The following MYL4 variants were observed in gnomAD, a reference collection of about 807,000 sequenced individuals.
MYL4 encodes atrial myosin light chain 1.
A neutral mutation model predicts 21.6 loss-of-function variants in MYL4; 16 were observed. That is an observed-to-expected ratio of 0.74 (90% CI 0.50 to 1.12). The LOEUF (loss-of-function observed/expected upper bound fraction) is 1.12. Among genes scored for constraint, MYL4 ranks in the 50% most tolerant of loss-of-function variants. MYL4 has a pLI of 0.00. For synonymous variants in MYL4, 82 were observed against 95.7 expected, an observed-to-expected ratio of 0.86 and a Z score of 0.83; for missense variants, 249 against 252.9, an observed-to-expected ratio of 0.98 and a Z score of 0.11.
chr17:47,208,266 C>CA (rs1043392485), upstream of MYL4, among the ~76,000 whole-genome samples: 2 of 151,894 alleles, frequency 1.3e-5, no homozygotes, highest in Non-Finnish European at 2.9e-5. Flanking sequence ...AAACAAAAAA[C>CA]AAAAAAACTC....
At chr17:47,190,923 G>A in the MYL4 span, among the ~76,000 whole-genome samples, 1 of 152,232 alleles carries the variant, frequency 6.6e-6, no homozygotes, top group Non-Finnish European at 1.5e-5. Context: ...GGCTTGGCTA[G>A]GGCTGAAAGA....
chr17:47,199,119 T>C (rs2064700109), upstream of MYL4, among the ~76,000 whole-genome samples: 1 of 151,384 alleles, frequency 6.6e-6, no homozygotes, highest in South Asian at 2.1e-4. Flanking sequence ...CGGGCGCCTG[T>C]AGTCCCAGCT....
intron 2 of MYL4, among the ~76,000 whole-genome samples, chr17:47,218,903 A>G (rs1247177093): frequency 1.3e-5 from 2 of 152,194 alleles, no homozygotes; most frequent in African/African-American, 2.4e-5. Context: ...TGCTGCCTTC[A>G]AGGAGTCCAG....
intron 1 of MYL4, 70 bp downstream of exon 1, chr17:47,209,627 C>T (rs750484256): frequency 1.6e-5 from 26 of 1,611,074 alleles, no homozygotes; most frequent in African/African-American, 2.7e-5. Flanking sequence ...TGGAGCTTAG[C>T]GATCTACTTT....
At chr17:47,201,786 T>G (rs903631483) in intron 1 of MYL4, among the ~76,000 whole-genome samples, 14 of 152,302 alleles carry the variant, frequency 9.2e-5, no homozygotes, top group African/African-American at 3.4e-4. Flanking sequence ...TTTATCTCAT[T>G]GACCCAGCCA....
chr17:47,221,580 C>T (rs1598660516), intron 3 of MYL4, 102 bp from the exon 4 acceptor site: 2 of 1,369,040 alleles, frequency 1.5e-6, no homozygotes, highest in East Asian at 4.6e-5. Flanking sequence ...CAGCCCAAGC[C>T]CTGGGTGCTG....
At chr17:47,217,101 A>G (rs2064820697) in intron 2 of MYL4, among the ~76,000 whole-genome samples, 1 of 152,226 alleles carries the variant, frequency 6.6e-6, no homozygotes, top group African/African-American at 2.4e-5. Flanking sequence ...CAACTAACAA[A>G]TATGTATTTA....
intron 3 of MYL4, among the ~76,000 whole-genome samples, chr17:47,221,332 C>T (rs1038405000): frequency 2.0e-5 from 3 of 152,274 alleles, no homozygotes; most frequent in African/African-American, 7.2e-5. Context: ...GCCCGGGCCG[C>T]GTGGCACTTC....
intron 3 of MYL4, among the ~76,000 whole-genome samples, chr17:47,221,000 G>C (rs1340745769): frequency 6.6e-6 from 1 of 152,182 alleles, no homozygotes; most frequent in Admixed American, 6.5e-5. Flanking sequence ...GAAAGGACCA[G>C]AGGGCTAGGG....
At chr17:47,225,670 C>A (rs1430359238), downstream of MYL4, among the ~76,000 whole-genome samples, 1 of 152,096 alleles carries the variant, frequency 6.6e-6, no homozygotes, top group African/African-American at 2.4e-5. Context: ...TTCAACACAC[C>A]ATTTTCAACC....
upstream of MYL4, among the ~76,000 whole-genome samples, chr17:47,206,399 C>A (rs192670244): frequency 6.6e-6 from 1 of 152,116 alleles, no homozygotes; most frequent in African/African-American, 2.4e-5. Flanking sequence ...GAGGATCATA[C>A]GTCTTTGTAG....
In MYL4 at chr17:47,219,962, C is replaced by T. The variant is rs1464152368; in HGVS notation, c.222C>T (p.Thr74=). 6.2e-7 allele frequency: 1 copy of T among 1,614,200 alleles called. No homozygotes were observed. Among genetic ancestry groups the T allele is most frequent in the Admixed American group, 1.7e-5 (1 of 60,032 alleles). ...CCCCGACTGGAGAGATGAAGATCAC[C>T]TACGGCCAGTGCGGGGATGTACTGC... ...DRTPTGEMKI[T]YGQCGDVLRA... Residue 74 remains threonine (T), a synonymous_variant, in exon 3 of 7, where the codon ACC becomes ACT. Transcript: ENST00000393450.
chr17:47,203,835 G>A (rs115023136), intron 1 of MYL4, among the ~76,000 whole-genome samples: 38 of 152,144 alleles, frequency 2.5e-4, no homozygotes, highest in African/African-American at 6.3e-4. Flanking sequence ...AACCGAGAAT[G>A]CTTGGCTCCC....
At chr17:47,208,375 A>C (rs1276667917), upstream of MYL4, among the ~76,000 whole-genome samples, 1 of 152,240 alleles carries the variant, frequency 6.6e-6, no homozygotes, top group Non-Finnish European at 1.5e-5. Flanking sequence ...ACGAGGCTGC[A>C]GTGAGCTGTG....
chr17:47,206,490 T>A (rs1364987620), upstream of MYL4, among the ~76,000 whole-genome samples: 1 of 152,144 alleles, frequency 6.6e-6, no homozygotes, highest in African/African-American at 2.4e-5. Context: ...TGTCATTCAG[T>A]GATTATTTAA....
upstream of MYL4, among the ~76,000 whole-genome samples, chr17:47,204,326 A>G (rs939275700): frequency 4.6e-5 from 7 of 152,048 alleles, no homozygotes; most frequent in African/African-American, 1.7e-4. Context: ...CCTTCACCCA[A>G]GGGGTTTCTC....
rs1395069448 is a variant in MYL4, at chr17:47,209,557, GGTAAGTGA to G, written c.135+2_135+9del. 1 of 1,614,222 alleles carries G rather than the reference GGTAAGTGA, an allele frequency of 6.2e-7. No homozygotes were observed. The highest frequency in any genetic ancestry group is 8.5e-7 in the Non-Finnish European group (1 of 1,180,044). On this transcript the variant is annotated splice_donor_variant and splice_donor_5th_base_variant and intron_variant, in intron 1 of 6. Coordinates refer to ENST00000393450, the MANE Select transcript of MYL4 (RefSeq NM_002476.2). LOFTEE classifies it high-confidence loss of function. ...CTGCCTTTGACCCCAAGAGTGTAAA[GGTAAGTGA>G]GGCTCAGCCATTGGGATAGAGGTGG...
rs1335950112 is a variant in MYL4, at chr17:47,213,800, T to G, written c.137T>G (p.Ile46Arg). ...EPAFDPKSVK[I>R]DFTADQIEEF... ...TCACTACTATTTCCCTCCCTACAGA[T>G]AGACTTCACTGCCGACCAGATTGAA... Residue 46 changes from isoleucine (I) to arginine (R), a missense_variant and splice_region_variant, in exon 2 of 7, where the codon ATA (isoleucine) becomes AGA (arginine). By Grantham distance (97) the Ile-to-Arg change is moderately conservative (BLOSUM62 -3). Coordinates refer to ENST00000393450, the MANE Select transcript of MYL4 (RefSeq NM_002476.2). 9.9e-6 allele frequency: 16 copies of G among 1,613,980 alleles called. No individual in the cohort carries two copies. Among genetic ancestry groups the G allele is most frequent in the Non-Finnish European group, 1.4e-5 (16 of 1,179,976 alleles).
the MYL4 span, among the ~76,000 whole-genome samples, chr17:47,191,616 G>T: frequency 6.6e-6 from 1 of 152,084 alleles, no homozygotes; most frequent in African/African-American, 2.4e-5. Context: ...GATTGCAGGT[G>T]CGCACCACCA....
Sources: gnomAD v4.1 joint callset for allele counts (sites outside exome capture counted in the v4.1 genomes callset) on GRCh38, gnomAD v4.1.1 for gene constraint, MANE v1.5 for transcripts, NCBI Gene and HGNC (gene_info 2026-07-23, HGNC 2026-07-21) for gene names.